The following SKAP1 variants were observed in gnomAD, a reference collection of about 807,000 sequenced individuals.
SKAP1 encodes src kinase associated phosphoprotein 1.
Under a neutral mutation model 58.5 loss-of-function variants are expected in SKAP1, and 44 were observed. The observed-to-expected ratio is 0.75, with a 90% CI of 0.59 to 0.97. SKAP1 has a LOEUF of 0.97. SKAP1 is among the 50% of genes least tolerant of loss of function. The pLI is 0.00. For missense variants in SKAP1, 390 were observed against 435.2 expected (o/e 0.90, Z 0.92); for synonymous variants, 127 against 149.7 (o/e 0.85, Z 1.11).
intron 11 of SKAP1, among the ~76,000 whole-genome samples, chr17:48,162,032 C>A (rs964676252): frequency 6.6e-6 from 1 of 151,984 alleles, no homozygotes; most frequent in African/African-American, 2.4e-5. Context: ...GTGGCGTGAT[C>A]TTAGCTCACT....
intron 4 of SKAP1, among the ~76,000 whole-genome samples, chr17:48,254,513 T>C (rs1393732225): frequency 6.6e-6 from 1 of 151,958 alleles, no homozygotes; most frequent in Admixed American, 6.6e-5. Context: ...CACATATATA[T>C]AGATGTATTG....
chr17:48,415,972 CA>C lies in SKAP1; in HGVS notation c.46+14102del, dbSNP rs1488852817. ...CCCAAGTTGGAAGGTGAGCCCCCAT[CA>C]AAATATTGTCTATAGTCCTCTTCTC... On this transcript the variant is annotated intron_variant, in intron 1 of 12. Transcript: ENST00000336915. Among the ~76,000 whole-genome samples the C allele has an allele frequency of 8.5e-5, 13 of 152,224 alleles. No homozygotes were observed. In the East Asian group the frequency reaches 2.3e-3, roughly 27 times the overall value.
intron 1 of SKAP1, among the ~76,000 whole-genome samples, chr17:48,428,297 G>T (rs2067875203): frequency 6.6e-6 from 1 of 152,272 alleles, no homozygotes; most frequent in South Asian, 2.1e-4. Flanking sequence ...AGATTGTTAA[G>T]ATACAGCAAG....
Position 48,187,907 on chromosome 17 carries a change from C to T in SKAP1, c.378G>A (p.Ser126=), listed in dbSNP as rs768100500. 2.5e-5 allele frequency: 40 copies of T among 1,613,654 alleles called. No homozygotes were observed. The highest frequency in any genetic ancestry group is 8.9e-5 in the East Asian group (4 of 44,892). Residue 126 remains serine, a synonymous_variant, in exon 6 of 13, where the codon TCG becomes TCA. Transcript: ENST00000336915. ...KKSKDHSFFG[S]EWQKRWCVVS... ...CAACACACCATCGCTTCTGCCACTC[C>T]GATCCAAAGAAACTATGATCTAAAC...
At chr17:48,379,762 A>G (rs2067192964) in intron 2 of SKAP1, among the ~76,000 whole-genome samples, 2 of 150,796 alleles carry the variant, frequency 1.3e-5, no homozygotes, top group African/African-American at 4.9e-5. Flanking sequence ...GTTCACTGCA[A>G]CCTCTGCCTC....
intron 4 of SKAP1, among the ~76,000 whole-genome samples, chr17:48,248,734 C>T (rs1230987157): frequency 2.0e-5 from 3 of 152,036 alleles, no homozygotes; most frequent in Non-Finnish European, 4.4e-5. Context: ...TGATATCAAT[C>T]AACAAAGGGA....
the SKAP1 span, among the ~76,000 whole-genome samples, chr17:48,440,486 C>T: frequency 6.6e-6 from 1 of 152,138 alleles, no homozygotes; most frequent in Non-Finnish European, 1.5e-5. Flanking sequence ...GCAGCTGTGG[C>T]GTAAGGGTCT....
At chr17:48,395,571 T>C (rs145414927) in intron 2 of SKAP1, among the ~76,000 whole-genome samples, 483 of 152,240 alleles carry the variant, frequency 3.2e-3, no homozygotes, top group Non-Finnish European at 5.0e-3. Context: ...ATTAATAAAA[T>C]AACATTATGG....
intron 4 of SKAP1, among the ~76,000 whole-genome samples, chr17:48,320,392 CT>C (rs2066346003): frequency 6.6e-6 from 1 of 152,090 alleles, no homozygotes; most frequent in Admixed American, 6.6e-5. Flanking sequence ...CTTTACTCTC[CT>C]GGAAATAAGT....
chr17:48,254,829 T>A (rs2065405079), intron 4 of SKAP1, among the ~76,000 whole-genome samples: 1 of 152,040 alleles, frequency 6.6e-6, no homozygotes, highest in Non-Finnish European at 1.5e-5. Flanking sequence ...AATAAGGATG[T>A]AAACTTCAAT....
At chr17:48,330,514 C>T (rs2066491537) in intron 4 of SKAP1, among the ~76,000 whole-genome samples, 1 of 152,120 alleles carries the variant, frequency 6.6e-6, no homozygotes, top group African/African-American at 2.4e-5. Flanking sequence ...AAAACCAAAA[C>T]CAAACAAACC....
At chr17:48,248,539 C>T (rs545402182) in intron 4 of SKAP1, among the ~76,000 whole-genome samples, 12 of 152,172 alleles carry the variant, frequency 7.9e-5, no homozygotes, top group Non-Finnish European at 1.5e-4. Flanking sequence ...TGCACTCCAG[C>T]CTGGAAGACA....
At chr17:48,352,926 G>A (rs1486251176) in intron 3 of SKAP1, among the ~76,000 whole-genome samples, 1 of 152,040 alleles carries the variant, frequency 6.6e-6, no homozygotes, top group Non-Finnish European at 1.5e-5. Flanking sequence ...TCAAAGGCAA[G>A]GCATATTGAA....
intron 11 of SKAP1, among the ~76,000 whole-genome samples, chr17:48,157,603 C>T (rs1238926203): frequency 2.7e-5 from 4 of 150,772 alleles, no homozygotes; most frequent in African/African-American, 9.7e-5. Flanking sequence ...TATCTCAGCT[C>T]ACTGCAACCT....
At chr17:48,368,075 C>T (rs1427961366) in intron 2 of SKAP1, among the ~76,000 whole-genome samples, 1 of 151,942 alleles carries the variant, frequency 6.6e-6, no homozygotes, top group African/African-American at 2.4e-5. Flanking sequence ...ATGGATTAAC[C>T]CTATAGGGAG....
intron 1 of SKAP1, 23 bp downstream of exon 1, chr17:48,430,052 G>A (rs371315192): frequency 1.0e-5 from 13 of 1,263,722 alleles, no homozygotes; most frequent in East Asian, 9.3e-5. Flanking sequence ...CAGCACTGGA[G>A]GGGGCCTGCG....
At chr17:48,245,618 C>A (rs1299028362) in intron 4 of SKAP1, among the ~76,000 whole-genome samples, 3 of 152,196 alleles carry the variant, frequency 2.0e-5, no homozygotes, top group Non-Finnish European at 4.4e-5. Context: ...TGACACTTTA[C>A]TAGCTGTGTG....
chr17:48,289,021 C>A lies in SKAP1; in HGVS notation c.280+56884G>T, dbSNP rs145423001. Among the ~76,000 whole-genome samples the A allele has an allele frequency of 7.7e-3, 1,164 of 152,112 alleles. 45 individuals are homozygous for A. The highest frequency in any genetic ancestry group is 0.065 in the Admixed American group (997 of 15,282). On this transcript the variant is annotated intron_variant, in intron 4 of 12. Transcript: ENST00000336915. ...ACCTGATAATGTAAAACAGAGGCAT[C>A]CCCAGGGCACCATGTAAAATTATTA...
At chr17:48,212,395 G>A (rs964198348) in intron 4 of SKAP1, among the ~76,000 whole-genome samples, 4 of 152,160 alleles carry the variant, frequency 2.6e-5, no homozygotes, top group Non-Finnish European at 5.9e-5. Flanking sequence ...CTGGAATACA[G>A]GCCTTCTTGT....
Sources: allele counts gnomAD v4.1 joint callset (sites outside exome capture counted in the v4.1 genomes callset), GRCh38; gene constraint gnomAD v4.1.1; transcripts MANE v1.5; gene names NCBI Gene and HGNC (gene_info 2026-07-23, HGNC 2026-07-21).